The following TF variants were observed in gnomAD, a reference collection of about 807,000 sequenced individuals.
TF encodes transferrin.
TF carries 55 observed loss-of-function variants against 82.4 expected under a neutral mutation model. That is an observed-to-expected ratio of 0.67 (90% CI 0.54 to 0.84). TF has a LOEUF of 0.84. Ranked by LOEUF, TF falls within the 40% of genes least tolerant of loss-of-function variation. TF has a pLI of 0.00. For missense variants in TF, 737 were observed against 868.4 expected (o/e 0.85, Z 1.90); for synonymous variants, 332 against 332.6 (o/e 1.00, Z 0.02).
intron 14 of TF, among the ~76,000 whole-genome samples, chr3:133,771,460 G>A (rs934704979): frequency 3.3e-5 from 5 of 152,178 alleles, no homozygotes; most frequent in African/African-American, 7.2e-5. Flanking sequence ...GTGTTAAGCC[G>A]GGCGCAGTGG....
In TF at chr3:133,788,349, A is replaced by G. The variant is rs949327754; in HGVS notation, c.*9729A>G. On this transcript the variant is annotated 3_prime_UTR_variant, in exon 17 of 17. Coordinates refer to ENST00000402696, the MANE Select transcript of TF (RefSeq NM_001063.4). ...ACATAAGGCATATACCAAGTAACCA[A>G]TGGAAACCTTGAGAGGGTATTTAAA... is the stretch of plus-strand genomic sequence containing the variant. 4 of 152,272 alleles carry G rather than the reference A, an allele frequency of 2.6e-5. No individual in the cohort carries two copies. The highest frequency in any genetic ancestry group is 4.8e-5 in the African/African-American group (2 of 41,478). 9.4% of individuals were successfully genotyped at this position (152,272 alleles called of 1,614,324 possible).
At chr3:133,746,103 C>A (rs185357408), upstream of TF, 7,749 of 453,244 alleles carry the variant, frequency 0.017, 83 homozygotes, top group Non-Finnish European at 0.024. Context: ...GAGCAGAGCC[C>A]CCCGGCTCCC....
chr3:133,678,656 C>T, the TF span, among the ~76,000 whole-genome samples: 2 of 152,158 alleles, frequency 1.3e-5, no homozygotes, highest in African/African-American at 4.8e-5. Flanking sequence ...GCATAAATGT[C>T]TTCTTTTAAG....
At chr3:133,709,603 G>A in the TF span, 1 of 171,830 alleles carries the variant, frequency 5.8e-6, no homozygotes, top group East Asian at 1.5e-4. Flanking sequence ...ACTGCAGTTG[G>A]CACTTCTGCA....
the TF span, among the ~76,000 whole-genome samples, chr3:133,706,470 G>T: frequency 1.3e-5 from 2 of 152,066 alleles, no homozygotes; most frequent in African/African-American, 4.8e-5. Flanking sequence ...TGGTTCTCAG[G>T]TGTAGTCTCT....
At chr3:133,763,754 C>T (rs995275879) in intron 9 of TF, among the ~76,000 whole-genome samples, 3 of 152,234 alleles carry the variant, frequency 2.0e-5, no homozygotes, top group African/African-American at 7.2e-5. Context: ...TAGCACTCAG[C>T]CAAGGAGGCT....
At chr3:133,763,918 G>A (rs1256168071) in intron 9 of TF, among the ~76,000 whole-genome samples, 1 of 152,244 alleles carries the variant, frequency 6.6e-6, no homozygotes, top group African/African-American at 2.4e-5. Flanking sequence ...CTACAAGAGG[G>A]CAAGAGGACT....
rs758352027 is a variant in TF at position 133,753,590 on chromosome 3, T to TG, written c.217-5_217-4insG. ...TTCATCCAGGACTGGCCTGTTCTCT[T>TG]TCAGGCAAACGAAGCGGATGCTGTG... On this transcript the variant is annotated splice_region_variant and splice_polypyrimidine_tract_variant and intron_variant, in intron 2 of 16. Transcript: ENST00000402696. The TG allele has an allele frequency of 6.8e-6, 11 of 1,613,582 alleles. No individual in the cohort carries two copies. The African/African-American group carries it at 1.5e-4, about 22-fold the overall frequency.
chr3:133,766,497 G>A, intron 12 of TF, 64 bp downstream of exon 12: 1 of 1,608,398 alleles, frequency 6.2e-7, no homozygotes, highest in Non-Finnish European at 8.5e-7. Context: ...CCTGCCTTAG[G>A]GAAGAGGAGT....
chr3:133,777,194 AAT>A lies in TF; in HGVS notation c.2021_2022del (p.Tyr674CysfsTer6). 1 of 1,613,996 alleles carries A rather than the reference AAT, an allele frequency of 6.2e-7. No homozygotes were observed. The highest frequency in any genetic ancestry group is 8.5e-7 in the Non-Finnish European group (1 of 1,180,024). On this transcript the variant is annotated frameshift_variant, in exon 16 of 17. Coordinates refer to ENST00000402696, the MANE Select transcript of TF (RefSeq NM_001063.4). LOFTEE classifies it high-confidence loss of function. Reference sequence around the variant, plus strand: ...ACATATGAAAAATACTTAGGAGAAGAATATGTCAAGGCTGTTGGTAACCTGAG... The same window carrying A: ...ACATATGAAAAATACTTAGGAGAAGAATGTCAAGGCTGTTGGTAACCTGAG...
chr3:133,737,100 A>C, the TF span, among the ~76,000 whole-genome samples: 84 of 152,312 alleles, frequency 5.5e-4, no homozygotes, highest in Middle Eastern at 3.4e-3. Flanking sequence ...GCAAAAGAAG[A>C]GAAATCATAA....
intron 2 of TF, among the ~76,000 whole-genome samples, chr3:133,749,945 G>A (rs1407721603): frequency 6.6e-6 from 1 of 152,202 alleles, no homozygotes; most frequent in Non-Finnish European, 1.5e-5. Flanking sequence ...CAGTGTAAAT[G>A]TGAGGAGGCC....
chr3:133,754,454 C>G, intron 3 of TF, 41 bp from the exon 4 acceptor site: 1 of 1,604,342 alleles, frequency 6.2e-7, no homozygotes, highest in Non-Finnish European at 8.5e-7. Context: ...TGTTTCCCTG[C>G]ACCAGGCTGA....
the TF span, among the ~76,000 whole-genome samples, chr3:133,712,115 G>A: frequency 6.6e-6 from 1 of 152,156 alleles, no homozygotes; most frequent in Non-Finnish European, 1.5e-5. Flanking sequence ...AGAGCAAAGA[G>A]GGAAACATGA....
At chr3:133,755,901 C>T in intron 5 of TF, 1 of 430,172 alleles carries the variant, frequency 2.3e-6, no homozygotes, top group Non-Finnish European at 4.2e-6. Flanking sequence ...ATCACCGTCT[C>T]TATCTGGGAA....
At chr3:133,699,137 AG>A in the TF span, among the ~76,000 whole-genome samples, 1 of 152,232 alleles carries the variant, frequency 6.6e-6, no homozygotes, top group African/African-American at 2.4e-5. Context: ...GCCTTCAGCA[AG>A]TCTTTGATGA....
At chr3:133,770,636 A>AT (rs753561641) in intron 14 of TF, 64 bp downstream of exon 14, 1 of 1,517,834 alleles carries the variant, frequency 6.6e-7, no homozygotes, top group Non-Finnish European at 9.2e-7. Context: ...ATTCACTTGT[A>AT]TTCAGGGATG....
chr3:133,783,835 A>ACCTG lies in TF; in HGVS notation c.*5218_*5221dup, dbSNP rs1247966647. On this transcript the variant is annotated 3_prime_UTR_variant, in exon 17 of 17. Coordinates refer to ENST00000402696, the MANE Select transcript of TF (RefSeq NM_001063.4). ...AGCGGCGAACCACTTTTCCTCCCCGACCTGCCGGCTGCAGGGTCTCCCCGC... is the reference window on the plus strand; with the variant it reads ...AGCGGCGAACCACTTTTCCTCCCCGACCTGCCTGCCGGCTGCAGGGTCTCCCCGC... 6.6e-6 allele frequency: 1 copy of ACCTG among 152,190 alleles called. No individual in the cohort carries two copies. The highest frequency in any genetic ancestry group is 6.5e-5 in the Admixed American group (1 of 15,282). 9.4% of individuals were successfully genotyped at this position (152,190 alleles called of 1,614,324 possible). A position where few individuals can be genotyped will look rare whatever the true frequency, so the allele number is the denominator to read the frequency against.
the TF span, among the ~76,000 whole-genome samples, chr3:133,736,617 A>G: frequency 8.7e-6 from 1 of 115,492 alleles, no homozygotes; most frequent in Non-Finnish European, 1.8e-5. Flanking sequence ...AGATTTACCA[A>G]GCAAATGGAA....
Sources: gnomAD v4.1 joint callset for allele counts (sites outside exome capture counted in the v4.1 genomes callset) on GRCh38, gnomAD v4.1.1 for gene constraint, MANE v1.5 for transcripts, NCBI Gene and HGNC (gene_info 2026-07-23, HGNC 2026-07-21) for gene names.